NUDT2: variants seen among roughly 807,000 people sequenced by gnomAD.
NUDT2 encodes nudix hydrolase 2, also known as bis(5'-nucleosyl)-tetraphosphatase [asymmetrical].
NUDT2 carries 12 observed loss-of-function variants against 14.2 expected under a neutral mutation model. The ratio of observed to expected loss-of-function variants is 0.84; its 90% CI spans 0.54 to 1.37. NUDT2 has a LOEUF of 1.37. Among genes scored for constraint, NUDT2 ranks in the 40% most tolerant of loss-of-function variants. The pLI, the probability that NUDT2 is intolerant of heterozygous loss-of-function variation, is 0.00. For missense variants in NUDT2, 167 were observed against 176.7 expected (o/e 0.95, Z 0.31); for synonymous variants, 67 against 67.4 (o/e 0.99, Z 0.03).
chr9:34,341,346 C>T lies in NUDT2; in HGVS notation c.128-1778C>T, dbSNP rs117258725. On this transcript the variant is annotated intron_variant, in intron 4 of 4. Coordinates refer to ENST00000379158, the MANE Select transcript of NUDT2 (RefSeq NM_001161.5). ...CATACACCTCTGAGGGGAGGTAGGA[C>T]GTCCTGAGTCAGTATCACCCATCAC... 6.5e-4 allele frequency among the ~76,000 whole-genome samples: 99 copies of T among 152,272 alleles called. No individual in the cohort carries two copies. The East Asian group carries it at 0.013, about 20-fold the overall frequency.
At chr9:34,333,215 G>C (rs1837994228) in intron 1 of NUDT2, among the ~76,000 whole-genome samples, 1 of 152,144 alleles carries the variant, frequency 6.6e-6, no homozygotes, top group Non-Finnish European at 1.5e-5. Context: ...CCCTCCTTCA[G>C]AGTCTTCTTC....
chr9:34,338,327 TAAAAAAAAAAAAAA>T (rs61594121), intron 2 of NUDT2, among the ~76,000 whole-genome samples: 20 of 33,736 alleles, frequency 5.9e-4, no homozygotes, highest in South Asian at 2.5e-3. Flanking sequence ...ACCCTGTCTC[TAAAAAAAAAAAAAA>T]AAAAAAAAAA....
chr9:34,333,447 C>G (rs898841927), intron 1 of NUDT2, among the ~76,000 whole-genome samples: 3 of 151,892 alleles, frequency 2.0e-5, no homozygotes, highest in African/African-American at 7.3e-5. Flanking sequence ...GTCAGCATAG[C>G]AAGACCCCAT....
intron 1 of NUDT2, among the ~76,000 whole-genome samples, chr9:34,335,639 G>A (rs185639068): frequency 5.3e-5 from 8 of 152,320 alleles, no homozygotes; most frequent in Admixed American, 4.6e-4. Context: ...AAAGAGCAGT[G>A]AGGAGTTCTG....
At chr9:34,342,516 T>A (rs1025209955) in intron 4 of NUDT2, among the ~76,000 whole-genome samples, 5 of 152,208 alleles carry the variant, frequency 3.3e-5, no homozygotes, top group African/African-American at 1.2e-4. Context: ...AGCAGACGTC[T>A]GAAGAAGGTC....
intron 1 of NUDT2, among the ~76,000 whole-genome samples, chr9:34,330,769 G>A (rs1837898060): frequency 1.3e-5 from 2 of 152,138 alleles, no homozygotes; most frequent in Admixed American, 1.3e-4. Flanking sequence ...AGACCATCCT[G>A]GCTGACACGG....
chr9:34,339,215 G>A (rs1563974292), intron 4 of NUDT2, 49 bp downstream of exon 4: 2 of 1,594,508 alleles, frequency 1.3e-6, no homozygotes, highest in Admixed American at 1.7e-5. Context: ...CCACTGCTCA[G>A]AAATCTACCC....
At chr9:34,330,805 C>T (rs1837900712) in intron 1 of NUDT2, among the ~76,000 whole-genome samples, 3 of 151,636 alleles carry the variant, frequency 2.0e-5, no homozygotes, top group Admixed American at 2.0e-4. Context: ...ACTAAAAACA[C>T]AAAAAATTAG....
chr9:34,339,060 C>T lies in NUDT2; in HGVS notation c.21C>T (p.Gly7=). The T allele has an allele frequency of 6.2e-7, 1 of 1,613,960 alleles. No individual in the cohort carries two copies. Among genetic ancestry groups the T allele is most frequent in the Non-Finnish European group, 8.5e-7 (1 of 1,179,842 alleles). Reference sequence around the variant, plus strand: ...AGACCATGGCCTTGAGAGCATGTGGCTTGATCATCTTCCGAAGATGCCTCA... The same window carrying T: ...AGACCATGGCCTTGAGAGCATGTGGTTTGATCATCTTCCGAAGATGCCTCA... The part of the protein sequence containing the change: MALRAC[G]LIIFRRCLIP... The change falls in exon 4 of 5, where the codon GGC becomes GGT. Residue 7 remains glycine, a synonymous_variant. Coordinates refer to ENST00000379158, the MANE Select transcript of NUDT2 (RefSeq NM_001161.5).
Position 34,343,540 on chromosome 9 carries a change from C to T in NUDT2, c.*100C>T. On this transcript the variant is annotated 3_prime_UTR_variant, in exon 5 of 5. Transcript: ENST00000379158. Reference sequence around the variant, plus strand: ...GGGAAGGTTGTGCTGGTATTTGGCTCATGACAGCCAAGAGCAGATTTGTGA... The same window carrying T: ...GGGAAGGTTGTGCTGGTATTTGGCTTATGACAGCCAAGAGCAGATTTGTGA... The T allele has an allele frequency of 9.1e-7, 1 of 1,099,310 alleles. No individual in the cohort carries two copies. The highest frequency in any genetic ancestry group is 1.6e-5 in the African/African-American group (1 of 63,316). 68.1% of individuals were successfully genotyped at this position (1,099,310 alleles called of 1,614,324 possible).
chr9:34,336,881 T>C (rs2131857268), intron 2 of NUDT2, among the ~76,000 whole-genome samples: 1 of 152,122 alleles, frequency 6.6e-6, no homozygotes, highest in African/African-American at 2.4e-5. Flanking sequence ...TGCTATTTCA[T>C]CATATAGATA....
At chr9:34,341,200 A>G (rs774447069) in intron 4 of NUDT2, among the ~76,000 whole-genome samples, 1 of 152,214 alleles carries the variant, frequency 6.6e-6, no homozygotes, top group Non-Finnish European at 1.5e-5. Context: ...TCCTCTCACT[A>G]CCTGATGTCA....
intron 2 of NUDT2, among the ~76,000 whole-genome samples, chr9:34,336,799 C>T (rs1237220910): frequency 1.3e-5 from 2 of 152,232 alleles, no homozygotes; most frequent in East Asian, 1.9e-4. Flanking sequence ...CTGCCTCAGC[C>T]TCCCAGAATG....
intron 1 of NUDT2, among the ~76,000 whole-genome samples, chr9:34,330,612 G>A (rs780324756): frequency 3.9e-5 from 6 of 152,204 alleles, no homozygotes; most frequent in Non-Finnish European, 8.8e-5. Flanking sequence ...TGAAGATTAA[G>A]TGAAATAATG....
chr9:34,333,065 C>T (rs561902480), intron 1 of NUDT2, among the ~76,000 whole-genome samples: 21 of 152,184 alleles, frequency 1.4e-4, no homozygotes, highest in Admixed American at 1.2e-3. Context: ...GGAGGAGGGT[C>T]TGGGCAAATT....
At chr9:34,331,370 T>C (rs1000480790) in intron 1 of NUDT2, among the ~76,000 whole-genome samples, 1 of 152,224 alleles carries the variant, frequency 6.6e-6, no homozygotes, top group Non-Finnish European at 1.5e-5. Flanking sequence ...ACAACAACCA[T>C]GCAAAGTAGG....
At chr9:34,338,327 T>TAAAAA (rs61594121) in intron 2 of NUDT2, among the ~76,000 whole-genome samples, 4,350 of 33,540 alleles carry the variant, frequency 0.13, 799 homozygotes, top group East Asian at 0.18. Context: ...ACCCTGTCTC[T>TAAAAA]AAAAAAAAAA....
chr9:34,334,029 C>G (rs1838023330), intron 1 of NUDT2, among the ~76,000 whole-genome samples: 1 of 152,138 alleles, frequency 6.6e-6, no homozygotes, highest in Non-Finnish European at 1.5e-5. Flanking sequence ...GCATGAAACA[C>G]TGTTTCTGCT....
intron 2 of NUDT2, among the ~76,000 whole-genome samples, chr9:34,336,891 A>G (rs1838101685): frequency 6.6e-6 from 1 of 150,692 alleles, no homozygotes; most frequent in Non-Finnish European, 1.5e-5. Flanking sequence ...TCATATAGAT[A>G]TACTGTACTT....
Sources: gnomAD v4.1 joint callset for allele counts (sites outside exome capture counted in the v4.1 genomes callset) on GRCh38, gnomAD v4.1.1 for gene constraint, MANE v1.5 for transcripts, NCBI Gene and HGNC (gene_info 2026-07-23, HGNC 2026-07-21) for gene names.